The following RALYL variants were observed in gnomAD, a reference collection of about 807,000 sequenced individuals.
The protein encoded by RALYL is RNA-binding Raly-like protein.
Under a neutral mutation model 35.1 loss-of-function variants are expected in RALYL, and 29 were observed. The ratio of observed to expected loss-of-function variants is 0.83; its 90% CI spans 0.61 to 1.13. The LOEUF is 1.13. RALYL is among the 50% of genes most tolerant of loss of function. The pLI, the probability that RALYL is intolerant of heterozygous loss-of-function variation, is 0.00. For missense variants in RALYL, 359 were observed against 360.4 expected (o/e 1.00, Z 0.03); for synonymous variants, 120 against 127.6 (o/e 0.94, Z 0.40).
intron 1 of RALYL, among the ~76,000 whole-genome samples, chr8:84,289,442 T>A (rs2132200537): frequency 6.6e-6 from 1 of 152,302 alleles, no homozygotes; most frequent in East Asian, 1.9e-4. Context: ...GATCAATGCT[T>A]ATTTCTCATT....
chr8:84,829,808 C>T (rs1196044826), intron 4 of RALYL, among the ~76,000 whole-genome samples: 6 of 151,914 alleles, frequency 3.9e-5, no homozygotes, highest in Non-Finnish European at 8.8e-5. Context: ...CTGATCACAA[C>T]ATTTTTGCCA....
chr8:84,482,239 G>C (rs180908631), intron 1 of RALYL, among the ~76,000 whole-genome samples: 29 of 151,968 alleles, frequency 1.9e-4, no homozygotes, highest in Admixed American at 1.0e-3. Context: ...TTTCAAATGA[G>C]GATAAAGACA....
chr8:84,592,560 C>G (rs939265728), intron 2 of RALYL, among the ~76,000 whole-genome samples: 1 of 152,076 alleles, frequency 6.6e-6, no homozygotes, highest in Non-Finnish European at 1.5e-5. Flanking sequence ...ATCATTAACA[C>G]CAAACACTAT....
chr8:84,421,533 C>T (rs1166232286), intron 1 of RALYL, among the ~76,000 whole-genome samples: 175 of 126,792 alleles, frequency 1.4e-3, no homozygotes, highest in Middle Eastern at 3.8e-3. Context: ...ATTGAATACC[C>T]TTTATTTCCT....
At position 84,302,405 on chromosome 8, in the gene RALYL, T is replaced by A. The variant is rs185075012; in HGVS notation, c.-24+117981T>A. On this transcript the variant is annotated intron_variant, in intron 1 of 8. Coordinates refer to ENST00000521268, the MANE Select transcript of RALYL (RefSeq NM_173848.7). The stretch of plus-strand genomic sequence containing the variant: ...CATTCAGACAGCTTTCCTGCTCACG[T>A]CCCTCTTTTCTCTAAGCTGTAGTTT... 2.6e-4 allele frequency among the ~76,000 whole-genome samples: 40 copies of A among 152,322 alleles called. No individual in the cohort carries two copies. The East Asian group carries it at 7.7e-3, about 29-fold the overall frequency.
At chr8:84,517,826 T>G (rs568089510) in intron 1 of RALYL, among the ~76,000 whole-genome samples, 2 of 152,326 alleles carry the variant, frequency 1.3e-5, no homozygotes, top group South Asian at 2.1e-4. Context: ...TGCCAAATAC[T>G]GTGCTTAGTA....
chr8:84,607,797 C>T (rs1317098643), intron 2 of RALYL, among the ~76,000 whole-genome samples: 1 of 151,974 alleles, frequency 6.6e-6, no homozygotes, highest in Admixed American at 6.6e-5. Context: ...GTTTCTCAAA[C>T]CCTCTGGGGT....
intron 2 of RALYL, among the ~76,000 whole-genome samples, chr8:84,535,981 TTTGAA>T (rs2059581518): frequency 6.6e-6 from 1 of 152,224 alleles, no homozygotes; most frequent in Admixed American, 6.5e-5. Flanking sequence ...AAAACAATGC[TTTGAA>T]TTATTTTGAC....
chr8:84,436,432 A>G (rs1358006986), intron 1 of RALYL, among the ~76,000 whole-genome samples: 1 of 151,936 alleles, frequency 6.6e-6, no homozygotes, highest in Non-Finnish European at 1.5e-5. Flanking sequence ...TTTTTATGAG[A>G]TCAGTTTTAT....
chr8:84,823,502 C>T (rs1013446432), intron 4 of RALYL, among the ~76,000 whole-genome samples: 1 of 152,060 alleles, frequency 6.6e-6, no homozygotes, highest in Admixed American at 6.5e-5. Flanking sequence ...GGTAGTAGCA[C>T]CATTTTTCTT....
At position 84,862,382 on chromosome 8, in the gene RALYL, G is replaced by T. The variant is rs147345564; in HGVS notation, c.500G>T (p.Arg167Leu). 2 of 1,607,202 alleles carry T rather than the reference G, an allele frequency of 1.2e-6. No homozygotes were observed. Among genetic ancestry groups the T allele is most frequent in the African/African-American group, 1.3e-5 (1 of 74,518 alleles). ...CCCAGAGTGGCAGTCACAACGACTC[G>T]CAGGGGGAAAGGAGTCTTTTCCATG... The part of the protein sequence containing the change: ...KRPRVAVTTT[R>L]RGKGVFSMKG... Residue 167 changes from arginine to leucine, a missense_variant, in exon 6 of 9, where the codon CGC becomes CTC. Arg to Leu is a moderately radical substitution (Grantham distance 102). Transcript: ENST00000521268.
At chr8:84,533,571 G>T (rs915052799) in intron 2 of RALYL, among the ~76,000 whole-genome samples, 6 of 152,214 alleles carry the variant, frequency 3.9e-5, no homozygotes, top group Non-Finnish European at 7.3e-5. Flanking sequence ...GCTGTGGATA[G>T]TAGGAGGAAC....
At chr8:84,482,039 T>C (rs2054099886) in intron 1 of RALYL, among the ~76,000 whole-genome samples, 1 of 152,162 alleles carries the variant, frequency 6.6e-6, no homozygotes, top group South Asian at 2.1e-4. Flanking sequence ...GTTATTCTAA[T>C]ATTGGTCTCA....
At chr8:84,754,608 G>C (rs1357906979) in intron 2 of RALYL, among the ~76,000 whole-genome samples, 1 of 152,132 alleles carries the variant, frequency 6.6e-6, no homozygotes, top group African/African-American at 2.4e-5. Flanking sequence ...CCTGCCCTTG[G>C]CAGGATGTTC....
At chr8:84,869,346 TTTTA>T (rs1463340574) in intron 6 of RALYL, among the ~76,000 whole-genome samples, 12 of 150,458 alleles carry the variant, frequency 8.0e-5, no homozygotes, top group Admixed American at 6.6e-4. Context: ...GATATGCAAA[TTTTA>T]TTTATTTCTT....
At chr8:84,454,331 C>A (rs2133251147) in intron 1 of RALYL, among the ~76,000 whole-genome samples, 1 of 139,176 alleles carries the variant, frequency 7.2e-6, no homozygotes, top group Non-Finnish European at 1.7e-5. Flanking sequence ...TAGGGCAAAC[C>A]TTTTTTAAAA....
At chr8:84,468,334 G>A (rs1465429841) in intron 1 of RALYL, among the ~76,000 whole-genome samples, 1 of 151,886 alleles carries the variant, frequency 6.6e-6, no homozygotes, top group Non-Finnish European at 1.5e-5. Context: ...TGTAAGGCAG[G>A]CCTGGTGGTG....
At position 84,224,796 on chromosome 8, in the gene RALYL, A is replaced by G. The variant is rs1823431553; in HGVS notation, c.-24+40372A>G. 5.3e-5 allele frequency among the ~76,000 whole-genome samples: 8 copies of G among 152,084 alleles called. No individual in the cohort carries two copies. In the South Asian group the frequency reaches 1.7e-3, roughly 32 times the overall value. On this transcript the variant is annotated intron_variant, in intron 1 of 8. Coordinates refer to ENST00000521268, the MANE Select transcript of RALYL (RefSeq NM_173848.7). ...CTCAGCCTCCTGAGTAGCTGGGACT[A>G]CAGGCGTGTGCCACCAACCCCAGCT...
At chr8:84,731,203 C>G in intron 2 of RALYL, among the ~76,000 whole-genome samples, 1 of 152,078 alleles carries the variant, frequency 6.6e-6, no homozygotes, top group Non-Finnish European at 1.5e-5. Context: ...CCTCCCTTGC[C>G]CGTGGAGACA....
Sources: gnomAD v4.1 joint callset for allele counts (sites outside exome capture counted in the v4.1 genomes callset) on GRCh38, gnomAD v4.1.1 for gene constraint, MANE v1.5 for transcripts, NCBI Gene and HGNC (gene_info 2026-07-23, HGNC 2026-07-21) for gene names.